The following RBFOX2 variants were observed in gnomAD, a reference collection of about 807,000 sequenced individuals.
RBFOX2 encodes the protein RNA binding protein fox-1 homolog 2.
Under a neutral mutation model 49.1 loss-of-function variants are expected in RBFOX2, and 10 were observed. The observed-to-expected ratio is 0.20, with a 90% CI of 0.13 to 0.35. RBFOX2 has a LOEUF of 0.35. RBFOX2 is among the 10% of genes least tolerant of loss of function. RBFOX2 has a pLI of 1.00. For missense variants in RBFOX2, 323 were observed against 486.9 expected (o/e 0.66, Z 3.17); for synonymous variants, 183 against 187.4 (o/e 0.98, Z 0.19).
intron 1 of RBFOX2, among the ~76,000 whole-genome samples, chr22:35,920,048 C>T (rs1195157342): frequency 6.6e-6 from 1 of 152,076 alleles, no homozygotes; most frequent in African/African-American, 2.4e-5. Context: ...AAACACCTGC[C>T]ACACCATGAA....
At chr22:35,874,237 C>T (rs1041369610) in intron 1 of RBFOX2, among the ~76,000 whole-genome samples, 15 of 152,074 alleles carry the variant, frequency 9.9e-5, no homozygotes, top group African/African-American at 2.2e-4. Flanking sequence ...AAATCAAACA[C>T]GCAACAAAGG....
intron 1 of RBFOX2, among the ~76,000 whole-genome samples, chr22:35,839,751 G>A (rs1958393336): frequency 6.6e-6 from 1 of 152,176 alleles, no homozygotes; most frequent in Admixed American, 6.5e-5. Flanking sequence ...AGCCAATCCT[G>A]AGAAACCAAA....
intron 1 of RBFOX2, among the ~76,000 whole-genome samples, chr22:35,870,388 C>T (rs138755151): frequency 7.2e-5 from 11 of 152,192 alleles, no homozygotes; most frequent in African/African-American, 2.2e-4. Flanking sequence ...AGGTGAATTG[C>T]TTGAACCCAG....
intron 2 of RBFOX2, among the ~76,000 whole-genome samples, chr22:35,790,299 A>G (rs143072498): frequency 7.2e-4 from 110 of 152,346 alleles, no homozygotes; most frequent in Middle Eastern, 3.4e-3. Flanking sequence ...CGTTATAGTC[A>G]TTCTCCAATG....
intron 1 of RBFOX2, among the ~76,000 whole-genome samples, chr22:36,013,391 C>A (rs541924320): frequency 7.2e-5 from 11 of 152,284 alleles, no homozygotes; most frequent in African/African-American, 2.6e-4. Context: ...ATACCTACTA[C>A]GTGTCAGGCC....
intron 4 of RBFOX2, among the ~76,000 whole-genome samples, chr22:35,770,517 C>G (rs1357047271): frequency 6.6e-6 from 1 of 152,048 alleles, no homozygotes; most frequent in Non-Finnish European, 1.5e-5. Flanking sequence ...GGTAAAGAAA[C>G]TGAGTCGAAC....
At chr22:35,827,817 T>C (rs1956062252) in intron 1 of RBFOX2, among the ~76,000 whole-genome samples, 1 of 152,184 alleles carries the variant, frequency 6.6e-6, no homozygotes, top group African/African-American at 2.4e-5. Context: ...ACTGCTTAAT[T>C]TTCATTTAAA....
At chr22:35,964,350 CTAAG>C (rs1402354568), upstream of RBFOX2, among the ~76,000 whole-genome samples, 2 of 152,182 alleles carry the variant, frequency 1.3e-5, no homozygotes, top group Non-Finnish European at 2.9e-5. Flanking sequence ...GTATTAAACT[CTAAG>C]TAGGCACTCA....
intron 1 of RBFOX2, among the ~76,000 whole-genome samples, chr22:36,027,378 A>G (rs1046683157): frequency 2.0e-5 from 3 of 152,132 alleles, no homozygotes; most frequent in African/African-American, 7.2e-5. Flanking sequence ...CAAATCGTAA[A>G]ACCTCCAAAG....
intron 1 of RBFOX2, among the ~76,000 whole-genome samples, chr22:35,886,708 T>C (rs2046624623): frequency 1.3e-5 from 2 of 152,230 alleles, no homozygotes; most frequent in South Asian, 4.1e-4. Context: ...TTATACACTC[T>C]TATGAAACCA....
chr22:35,858,122 T>C (rs2042707379), intron 1 of RBFOX2, among the ~76,000 whole-genome samples: 1 of 152,242 alleles, frequency 6.6e-6, no homozygotes, highest in Non-Finnish European at 1.5e-5. Flanking sequence ...GATAAACTCA[T>C]GGTCAGAATG....
chr22:35,834,361 A>G (rs1320294274), intron 1 of RBFOX2, among the ~76,000 whole-genome samples: 4 of 152,246 alleles, frequency 2.6e-5, no homozygotes, highest in African/African-American at 9.6e-5. Flanking sequence ...TATAAAGATT[A>G]GCTATTTTTA....
intron 1 of RBFOX2, among the ~76,000 whole-genome samples, chr22:35,928,250 T>TG (rs1050909682): frequency 6.6e-6 from 1 of 151,884 alleles, no homozygotes; most frequent in Non-Finnish European, 1.5e-5. Flanking sequence ...CTGTGTCTGT[T>TG]GGGGGGGCAG....
intron 1 of RBFOX2, among the ~76,000 whole-genome samples, chr22:35,910,187 C>G (rs2049631336): frequency 6.6e-6 from 1 of 152,144 alleles, no homozygotes; most frequent in African/African-American, 2.4e-5. Flanking sequence ...AACACTACTT[C>G]TGGTGACTTT....
At position 35,890,419 on chromosome 22, in the gene RBFOX2, C is replaced by T. The variant is rs183984471; in HGVS notation, c.-34+48428G>A. ...AGGCACAGTAAGAGATTAATGATAA[C>T]TAATAATAAAACTGAATAATTATAT... On this transcript the variant is annotated intron_variant, in intron 1 of 13. Coordinates refer to the RBFOX2 transcript ENST00000359369. Among the ~76,000 whole-genome samples the T allele has an allele frequency of 4.6e-4, 70 of 152,096 alleles. 2 individuals are homozygous for T. In the East Asian group the frequency reaches 0.012, roughly 27 times the overall value.
At chr22:35,987,139 T>C (rs1198159919) in intron 1 of RBFOX2, among the ~76,000 whole-genome samples, 1 of 152,174 alleles carries the variant, frequency 6.6e-6, no homozygotes, top group Non-Finnish European at 1.5e-5. Flanking sequence ...AAAGCCACAA[T>C]ACTCGCTGAT....
intron 1 of RBFOX2, among the ~76,000 whole-genome samples, chr22:35,857,532 AGTAATG>A (rs1488492145): frequency 1.3e-5 from 2 of 152,246 alleles, no homozygotes; most frequent in African/African-American, 4.8e-5. Context: ...ACTGGTTTGA[AGTAATG>A]GTAGAGAAGG....
intron 1 of RBFOX2, among the ~76,000 whole-genome samples, chr22:36,021,514 C>CT (rs1235170191): frequency 6.6e-6 from 1 of 150,758 alleles, no homozygotes; most frequent in East Asian, 1.9e-4. Flanking sequence ...CCAAATGCTA[C>CT]TAAAAAAAAA....
At position 35,759,249 on chromosome 22, in the gene RBFOX2, C is replaced by T. The variant is rs187824487; in HGVS notation, c.887+639G>A. On this transcript the variant is annotated intron_variant, in intron 9 of 11. Transcript: ENST00000405409. The surrounding 1 kb of genome is among the most constrained non-coding windows in gnomAD (Gnocchi z 4.6). Reference sequence around the variant, plus strand: ...TAAAAAAATCAAACGGTGAAGGATGCTCAGCTACAGTCGCTGTTTTACCAT... The same window carrying T: ...TAAAAAAATCAAACGGTGAAGGATGTTCAGCTACAGTCGCTGTTTTACCAT... Among the ~76,000 whole-genome samples, 2 of 152,338 alleles carry T rather than the reference C, an allele frequency of 1.3e-5. No homozygotes were observed. Among genetic ancestry groups the T allele is most frequent in the Admixed American group, 6.5e-5 (1 of 15,306 alleles).
Sources: allele counts gnomAD v4.1 joint callset (sites outside exome capture counted in the v4.1 genomes callset), GRCh38; gene constraint gnomAD v4.1.1; non-coding constraint Gnocchi (gnomAD v3.1); transcripts MANE v1.5; gene names NCBI Gene and HGNC (gene_info 2026-07-23, HGNC 2026-07-21).